CLPTM1L: variants seen among roughly 807,000 people sequenced by gnomAD.
The protein encoded by CLPTM1L is lipid scramblase CLPTM1L.
In CLPTM1L, 38 loss-of-function variants were observed where a neutral mutation model predicts 70.9. The ratio of observed to expected loss-of-function variants is 0.54; its 90% CI spans 0.41 to 0.70. The LOEUF is 0.70. Among genes scored for constraint, CLPTM1L ranks in the 30% least tolerant of loss-of-function variants. The probability of loss-of-function intolerance (pLI) is 0.00; values close to 1 mark genes in which losing one functional copy is unlikely to be tolerated. For synonymous variants in CLPTM1L, 339 were observed against 299.9 expected, an observed-to-expected ratio of 1.13 and a Z score of -1.35; for missense variants, 652 against 705.9, an observed-to-expected ratio of 0.92 and a Z score of 0.87.
chr5:1,329,418 G>A (rs1752916980), intron 9 of CLPTM1L, among the ~76,000 whole-genome samples: 1 of 149,936 alleles, frequency 6.7e-6, no homozygotes, highest in Admixed American at 6.6e-5. Context: ...AGGGCCTCAG[G>A]CCTCTGCTTG....
intron 5 of CLPTM1L, among the ~76,000 whole-genome samples, chr5:1,337,580 C>T (rs541376273): frequency 1.3e-4 from 20 of 152,354 alleles, no homozygotes; most frequent in Admixed American, 2.6e-4. Flanking sequence ...CACACGCAGA[C>T]GCTGTTTCAC....
At chr5:1,334,682 G>A (rs1205899378) in intron 6 of CLPTM1L, among the ~76,000 whole-genome samples, 2 of 151,932 alleles carry the variant, frequency 1.3e-5, no homozygotes, top group Non-Finnish European at 2.9e-5. Context: ...TGAATCCGGG[G>A]GGCGGAGGCT....
At chr5:1,341,582 C>A in intron 3 of CLPTM1L, 89 bp downstream of exon 3, 1 of 1,173,360 alleles carries the variant, frequency 8.5e-7, no homozygotes, top group South Asian at 1.6e-5. Flanking sequence ...TCACTGGAGC[C>A]CTAGACATCG....
intron 9 of CLPTM1L, among the ~76,000 whole-genome samples, chr5:1,327,310 A>ACACATTCCATCCAGCTCCTGCTCTACAGG (rs1561235069): frequency 8.3e-5 from 8 of 96,340 alleles, no homozygotes; most frequent in Non-Finnish European, 1.8e-4. Flanking sequence ...TCCTCTACAG[A>ACACATTCCATCCAGCTCCTGCTCTACAGG]CACATTCCAT....
In CLPTM1L at chr5:1,344,426, GACCTCGT is replaced by G. The variant is rs1388058004; in HGVS notation, c.181_187del (p.Thr61ProfsTer13). ...GATGTTGTTCTCAGCACCCAGGTGG[GACCTCGT>G]CGTGGTGTACACGCTCAGCTGGAAA... is the stretch of plus-strand genomic sequence containing the variant. On this transcript the variant is annotated frameshift_variant, in exon 2 of 17. Transcript: ENST00000320895. LOFTEE classifies it high-confidence loss of function. The G allele has an allele frequency of 6.2e-7, 1 of 1,613,672 alleles. No individual in the cohort carries two copies.
intron 3 of CLPTM1L, among the ~76,000 whole-genome samples, chr5:1,340,661 C>G (rs1579655522): frequency 2.0e-5 from 3 of 152,302 alleles, no homozygotes; most frequent in Middle Eastern, 6.8e-3. Flanking sequence ...CAGATGCAAA[C>G]TGGGGAGAGG....
chr5:1,334,647 G>A (rs185012498), intron 6 of CLPTM1L, among the ~76,000 whole-genome samples: 1 of 152,126 alleles, frequency 6.6e-6, no homozygotes, highest in African/African-American at 2.4e-5. Flanking sequence ...CTAGCTACTG[G>A]GGGGACTGAG....
chr5:1,328,275 C>T lies in CLPTM1L; in HGVS notation c.1080+2005G>A, dbSNP rs1017698454. On this transcript the variant is annotated intron_variant, in intron 9 of 16. Transcript: ENST00000320895. ...CAGCTCCTCCTCTACAGGATACATT[C>T]CATCCAGCTCCTCCTCTACAGGATA... Among the ~76,000 whole-genome samples, 33 of 145,042 alleles carry T rather than the reference C, an allele frequency of 2.3e-4. 3 individuals are homozygous for T. Among genetic ancestry groups the T allele is most frequent in the African/African-American group, 8.5e-4 (31 of 36,628 alleles).
chr5:1,336,261 T>C (rs1321827460), intron 5 of CLPTM1L, among the ~76,000 whole-genome samples: 1 of 152,200 alleles, frequency 6.6e-6, no homozygotes, highest in Non-Finnish European at 1.5e-5. Flanking sequence ...CCCAGCTGCC[T>C]GCTTCCTCTC....
Position 1,334,395 on chromosome 5 carries a change from A to G in CLPTM1L, c.797-12T>C. On this transcript the variant is annotated splice_polypyrimidine_tract_variant and intron_variant, in intron 6 of 16. Transcript: ENST00000320895. ...TTTCTCTGAAAACCCTGTCAAGGAA[A>G]AAAAAACATACAATATAAAACAGGC... 1 of 1,529,484 alleles carries G rather than the reference A, an allele frequency of 6.5e-7. No individual in the cohort carries two copies. The highest frequency in any genetic ancestry group is 2.2e-5 in the East Asian group (1 of 44,490). 94.7% of individuals were successfully genotyped at this position (1,529,484 alleles called of 1,614,324 possible).
chr5:1,342,039 TGCACGCGCACGC>T lies in CLPTM1L; in HGVS notation c.264-191_264-180del, dbSNP rs1219852642. Among the ~76,000 whole-genome samples, 4 of 148,976 alleles carry T rather than the reference TGCACGCGCACGC, an allele frequency of 2.7e-5. No individual in the cohort carries two copies. Among genetic ancestry groups the T allele is most frequent in the African/African-American group, 1.0e-4 (4 of 39,664 alleles). On this transcript the variant is annotated intron_variant, in intron 2 of 16. Transcript: ENST00000320895. The surrounding 1 kb of genome is among the most constrained non-coding windows in gnomAD (Gnocchi z 4.3). ...GTGTGTGTGTGTGTGTGTGTGTGTGTGCACGCGCACGCGTGCGCGTCCTGAGAACTCGGCACA... is the reference window on the plus strand; with the variant it reads ...GTGTGTGTGTGTGTGTGTGTGTGTGTGTGCGCGTCCTGAGAACTCGGCACA...
chr5:1,321,758 C>T lies in CLPTM1L; in HGVS notation c.1371+6G>A, dbSNP rs10073340. The T allele has an allele frequency of 0.16, 260,540 of 1,613,820 alleles. 22,317 individuals are homozygous for T. The highest frequency in any genetic ancestry group is 0.18 in the Middle Eastern group (1,097 of 6,062). On this transcript the variant is annotated splice_donor_region_variant and intron_variant, in intron 14 of 16. Coordinates refer to ENST00000320895, the MANE Select transcript of CLPTM1L (RefSeq NM_030782.5). ...GCCGGGCCGCGGGCAGCACACACCGCCTTACCTTGTAGTTCACAAAGAGCT... is the reference window on the plus strand; with the variant it reads ...GCCGGGCCGCGGGCAGCACACACCGTCTTACCTTGTAGTTCACAAAGAGCT...
rs753835022 is a variant in CLPTM1L at position 1,331,907 on chromosome 5, A to T, written c.892-24T>A. 3.8e-6 allele frequency: 6 copies of T among 1,584,392 alleles called. No individual in the cohort carries two copies. The East Asian group carries it at 1.3e-4, about 35-fold the overall frequency. On this transcript the variant is annotated intron_variant, in intron 7 of 16. Coordinates refer to ENST00000320895, the MANE Select transcript of CLPTM1L (RefSeq NM_030782.5). ...AGCTAGAGAGAACACACACGACAGC[A>T]ACTCACATCTCCTGCTGTTTCCATC...
rs1431781969 is a variant in CLPTM1L at position 1,318,322 on chromosome 5, C to T, written c.*47G>A. ...TCCTCCAAATGCTTCCAAAAATACTCATTGACAATTCAAGTTGCACTTGGC... is the reference window on the plus strand; with the variant it reads ...TCCTCCAAATGCTTCCAAAAATACTTATTGACAATTCAAGTTGCACTTGGC... On this transcript the variant is annotated 3_prime_UTR_variant, in exon 17 of 17. Coordinates refer to ENST00000320895, the MANE Select transcript of CLPTM1L (RefSeq NM_030782.5). The surrounding 1 kb of genome is among the most constrained non-coding windows in gnomAD (Gnocchi z 8.9). 4.9e-6 allele frequency: 7 copies of T among 1,438,782 alleles called. No individual in the cohort carries two copies. The Admixed American group carries it at 1.2e-4, about 24-fold the overall frequency. The allele number at this position is 1,438,782 out of a possible 1,614,324, so 89.1% of individuals were successfully genotyped here.
intron 8 of CLPTM1L, chr5:1,331,531 G>A (rs973698576): frequency 3.5e-6 from 2 of 565,518 alleles, no homozygotes; most frequent in Admixed American, 6.0e-5. Flanking sequence ...CCCAGACCCA[G>A]ACCCCATGCA....
At chr5:1,332,222 G>A (rs938091841) in intron 7 of CLPTM1L, 4 of 306,352 alleles carry the variant, frequency 1.3e-5, no homozygotes, top group Non-Finnish European at 2.5e-5. Flanking sequence ...CCCACTCAGG[G>A]CAGCCTCATC....
At chr5:1,319,235 ATGG>A (rs1360234093) in intron 16 of CLPTM1L, among the ~76,000 whole-genome samples, 3 of 151,588 alleles carry the variant, frequency 2.0e-5, no homozygotes, top group South Asian at 2.1e-4. Flanking sequence ...GGATCTGAGA[ATGG>A]TGAACGGGGG....
intron 6 of CLPTM1L, among the ~76,000 whole-genome samples, chr5:1,334,611 G>C (rs1202160289): frequency 6.6e-6 from 1 of 151,944 alleles, no homozygotes; most frequent in Non-Finnish European, 1.5e-5. Context: ...AAAATTAGCT[G>C]GGCGTGGGGG....
rs769351988 is a variant in CLPTM1L, at chr5:1,330,354, T to C, written c.1006A>G (p.Ile336Val). 1 of 1,612,822 alleles carries C rather than the reference T, an allele frequency of 6.2e-7. No homozygotes were observed. Among genetic ancestry groups the C allele is most frequent in the Non-Finnish European group, 8.5e-7 (1 of 1,179,980 alleles). ...VLWRCFSTVV[I>V]FLFLLDEQTS... is the part of the protein sequence containing the mutation. ...TGCTCGTCCAGCAGGAACAGAAAGA[T>C]GACCACGGTGCTGAAGCAGCGCCAG... Residue 336 changes from isoleucine to valine, a missense_variant, in exon 9 of 17, where the codon ATC becomes GTC. By Grantham distance (29) the Ile-to-Val change is conservative. Around this residue, in one of 3 missense-constraint regions of CLPTM1L, gnomAD observed 240 missense variants for 295.0 expected, o/e 0.81. Transcript: ENST00000320895.
Sources: allele counts gnomAD v4.1 joint callset (sites outside exome capture counted in the v4.1 genomes callset), GRCh38; gene constraint gnomAD v4.1.1; regional missense constraint gnomAD v4.1.1; non-coding constraint Gnocchi (gnomAD v3.1); transcripts MANE v1.5; gene names NCBI Gene and HGNC (gene_info 2026-07-23, HGNC 2026-07-21).